The following NPHP1 variants were observed in gnomAD, a reference collection of about 807,000 sequenced individuals.
NPHP1 encodes the protein nephrocystin-1.
In NPHP1, 70 loss-of-function variants were observed where a neutral mutation model predicts 90.4. That is an observed-to-expected ratio of 0.77 (90% CI 0.64 to 0.95). The LOEUF (loss-of-function observed/expected upper bound fraction) is 0.95, where lower values mean the gene tolerates loss of function less well. Among genes scored for constraint, NPHP1 ranks in the 40% least tolerant of loss-of-function variants. The pLI, the probability that NPHP1 is intolerant of heterozygous loss-of-function variation, is 0.00. For synonymous variants in NPHP1, 256 were observed against 271.7 expected (o/e 0.94, Z 0.57); for missense variants, 764 against 795.9 (o/e 0.96, Z 0.48).
At chr2:110,197,889 C>G (rs1005936067) in intron 2 of NPHP1, among the ~76,000 whole-genome samples, 1 of 152,012 alleles carries the variant, frequency 6.6e-6, no homozygotes, top group Non-Finnish European at 1.5e-5. Context: ...ATATAATGTA[C>G]CAAGAAAATA....
At chr2:110,147,708 G>A (rs933169924) in intron 13 of NPHP1, among the ~76,000 whole-genome samples, 1 of 152,126 alleles carries the variant, frequency 6.6e-6, no homozygotes, top group African/African-American at 2.4e-5. Flanking sequence ...GTTCACTCAA[G>A]CTATAAATGT....
At chr2:110,131,502 A>G (rs1378261881) in intron 17 of NPHP1, among the ~76,000 whole-genome samples, 177 bp downstream of exon 17, 1 of 152,198 alleles carries the variant, frequency 6.6e-6, no homozygotes, top group Non-Finnish European at 1.5e-5. Context: ...CGAGTTCACA[A>G]AGCTCAATGC....
In NPHP1 at chr2:110,161,660, C is replaced by T. The variant is rs1277227397; in HGVS notation, c.897G>A (p.Glu299=). 11 of 1,613,276 alleles carry T rather than the reference C, an allele frequency of 6.8e-6. No homozygotes were observed. The highest frequency in any genetic ancestry group is 6.8e-6 in the Non-Finnish European group (8 of 1,179,342). ...TGAAGGCCAGTTGTGAAGGCATGAG[C>T]TCTGGTTGTAAGAAGTAATTTGCTC... ...QFRANYFLQP[E]LMPSQLAFRD... Residue 299 remains glutamate, a synonymous_variant, in exon 10 of 20, where the codon GAG becomes GAA. Coordinates refer to ENST00000445609, the MANE Select transcript of NPHP1 (RefSeq NM_001128178.3).
At position 110,151,673 on chromosome 2, in the gene NPHP1, AAT is replaced by A. The variant is rs1033350104; in HGVS notation, c.1084-1419_1084-1418del. Among the ~76,000 whole-genome samples, 7 of 152,186 alleles carry A rather than the reference AAT, an allele frequency of 4.6e-5. No homozygotes were observed. In the East Asian group the frequency reaches 1.2e-3, roughly 25 times the overall value. On this transcript the variant is annotated intron_variant, in intron 11 of 19. Coordinates refer to ENST00000445609, the MANE Select transcript of NPHP1 (RefSeq NM_001128178.3). The stretch of plus-strand genomic sequence containing the variant: ...CAAAATCCCACTTCCTTCGATTGCT[AAT>A]ATATATATGTTTAAACTTTTCCTGA...
chr2:110,176,261 ATTACT>A (rs1302782217), intron 4 of NPHP1, among the ~76,000 whole-genome samples: 3 of 152,050 alleles, frequency 2.0e-5, no homozygotes, highest in East Asian at 1.9e-4. Flanking sequence ...GTTCTCAGTC[ATTACT>A]TTATCAAATA....
chr2:110,138,970 G>A (rs891532957), intron 16 of NPHP1, among the ~76,000 whole-genome samples: 4 of 151,930 alleles, frequency 2.6e-5, no homozygotes, highest in South Asian at 2.1e-4. Context: ...AACTTAAGAC[G>A]AATAGAAAGT....
chr2:110,194,692 G>C (rs1363079844), intron 2 of NPHP1, among the ~76,000 whole-genome samples: 1 of 152,120 alleles, frequency 6.6e-6, no homozygotes, highest in Non-Finnish European at 1.5e-5. Context: ...AAGCCTGGCA[G>C]AGACACAACA....
intron 2 of NPHP1, among the ~76,000 whole-genome samples, chr2:110,191,083 G>GT (rs758903558): frequency 2.0e-5 from 3 of 152,166 alleles, no homozygotes; most frequent in Non-Finnish European, 2.9e-5. Flanking sequence ...AGCTCCCAGA[G>GT]TGAGTGACGC....
intron 11 of NPHP1, among the ~76,000 whole-genome samples, chr2:110,155,241 C>T (rs933770962): frequency 3.9e-5 from 6 of 152,174 alleles, no homozygotes; most frequent in Non-Finnish European, 8.8e-5. Context: ...TTGGGAACCT[C>T]TGCCTAGATT....
chr2:110,123,694 T>A lies in NPHP1; in HGVS notation c.*97A>T. On this transcript the variant is annotated 3_prime_UTR_variant, in exon 20 of 20. Coordinates refer to ENST00000445609, the MANE Select transcript of NPHP1 (RefSeq NM_001128178.3). ...AAAGAAAAGAGTAAAACCTAAGTTG[T>A]AAAGTGACAGTGATTTTTGGTTCCA... 3 of 1,245,018 alleles carry A rather than the reference T, an allele frequency of 2.4e-6. No individual in the cohort carries two copies. The highest frequency in any genetic ancestry group is 3.5e-6 in the Non-Finnish European group (3 of 853,230). The allele number at this position is 1,245,018 out of a possible 1,614,324, so 77.1% of individuals were successfully genotyped here. A position where few individuals can be genotyped will look rare whatever the true frequency, so the allele number is the denominator to read the frequency against.
chr2:110,129,047 G>A, intron 18 of NPHP1, 139 bp downstream of exon 18: 2 of 695,908 alleles, frequency 2.9e-6, no homozygotes, highest in Non-Finnish European at 5.2e-6. Flanking sequence ...GATGAGGACT[G>A]AGTTACCTAG....
In NPHP1 at chr2:110,178,555, A is replaced by C; in HGVS notation, c.205-8T>G. ...AGGTGCAGATTCATCAGCCTATGAG[A>C]GAATATAGGTCTATTTCACTAAAAA... On this transcript the variant is annotated splice_region_variant and splice_polypyrimidine_tract_variant and intron_variant, in intron 3 of 19. Coordinates refer to ENST00000445609, the MANE Select transcript of NPHP1 (RefSeq NM_001128178.3). 1 of 1,602,530 alleles carries C rather than the reference A, an allele frequency of 6.2e-7. No homozygotes were observed. The highest frequency in any genetic ancestry group is 8.5e-7 in the Non-Finnish European group (1 of 1,176,396).
At chr2:110,189,958 G>A (rs1684585388) in intron 2 of NPHP1, among the ~76,000 whole-genome samples, 2 of 152,014 alleles carry the variant, frequency 1.3e-5, no homozygotes, top group South Asian at 4.1e-4. Flanking sequence ...CCCTGAGCTA[G>A]ACATAAAGGT....
At position 110,131,418 on chromosome 2, in the gene NPHP1, C is replaced by A. The variant is rs540188649; in HGVS notation, c.1642+261G>T. 5.3e-5 allele frequency among the ~76,000 whole-genome samples: 8 copies of A among 152,232 alleles called. 2 individuals are homozygous for A. In the South Asian group the frequency reaches 1.2e-3, roughly 24 times the overall value. On this transcript the variant is annotated intron_variant, in intron 17 of 19. Transcript: ENST00000445609. Reference sequence around the variant, plus strand: ...ACATTAAGGGAAAATATGACTATATCTGACTCTTGGGATCTCAAAACTCTA... The same window carrying A: ...ACATTAAGGGAAAATATGACTATATATGACTCTTGGGATCTCAAAACTCTA...
intron 2 of NPHP1, among the ~76,000 whole-genome samples, chr2:110,180,448 CTTTTTTTTTTTT>C (rs3086121): frequency 3.7e-5 from 3 of 80,914 alleles, no homozygotes; most frequent in East Asian, 4.3e-4. Flanking sequence ...CCGTTTGAGT[CTTTTTTTTTTTT>C]TTTTTTTTTT....
At chr2:110,190,361 TC>T (rs1228568652) in intron 2 of NPHP1, among the ~76,000 whole-genome samples, 1 of 152,026 alleles carries the variant, frequency 6.6e-6, no homozygotes, top group Non-Finnish European at 1.5e-5. Context: ...GGGCTGAAGG[TC>T]CCGAGCCCTG....
In NPHP1 at chr2:110,180,524, T is replaced by C. The variant is rs1005005269; in HGVS notation, c.144-840A>G. On this transcript the variant is annotated intron_variant, in intron 2 of 19. Transcript: ENST00000445609. ...AGCAGTGAAAAAGGGAATAACAACG[T>C]TGATCCAAGATGGCCAATTAGAAGC... Among the ~76,000 whole-genome samples, 7 of 144,114 alleles carry C rather than the reference T, an allele frequency of 4.9e-5. No homozygotes were observed. The East Asian group carries it at 1.5e-3, about 32-fold the overall frequency. The allele number at this position is 144,114 out of a possible 152,430, so 94.5% of individuals were successfully genotyped here.
intron 2 of NPHP1, chr2:110,184,134 G>T: frequency 1.8e-6 from 1 of 553,442 alleles, no homozygotes. Context: ...TGGTTTTGCT[G>T]GTGATCAGAT....
chr2:110,151,303 T>C (rs1400031754), intron 11 of NPHP1, among the ~76,000 whole-genome samples: 1 of 152,056 alleles, frequency 6.6e-6, no homozygotes, highest in Non-Finnish European at 1.5e-5. Context: ...GCCCATAAAT[T>C]ATATTTTTAT....
Sources: allele counts gnomAD v4.1 joint callset (sites outside exome capture counted in the v4.1 genomes callset), GRCh38; gene constraint gnomAD v4.1.1; transcripts MANE v1.5; gene names NCBI Gene and HGNC (gene_info 2026-07-23, HGNC 2026-07-21).